Variants in CCAR1 observed in about 807,000 individuals in gnomAD.
The protein encoded by CCAR1 is cell division cycle and apoptosis regulator protein 1.
A neutral mutation model predicts 163.8 loss-of-function variants in CCAR1; 78 were observed. That is an observed-to-expected ratio of 0.48 (90% CI 0.40 to 0.57). The LOEUF is 0.57. Among genes scored for constraint, CCAR1 ranks in the 20% least tolerant of loss-of-function variants. The probability of loss-of-function intolerance (pLI) is 0.00; values close to 1 mark genes in which losing one functional copy is unlikely to be tolerated. For synonymous variants in CCAR1, 443 were observed against 460.7 expected, an observed-to-expected ratio of 0.96 and a Z score of 0.49; for missense variants, 1,019 against 1,365.2, an observed-to-expected ratio of 0.75 and a Z score of 4.00.
intron 2 of CCAR1, among the ~76,000 whole-genome samples, chr10:68,728,449 GA>G (rs1394739000): frequency 6.6e-6 from 1 of 151,846 alleles, no homozygotes; most frequent in East Asian, 1.9e-4. Context: ...GCCTTCAAGG[GA>G]TCACTCAGCC....
intron 2 of CCAR1, 147 bp downstream of exon 2, chr10:68,722,724 C>T (rs780376191): frequency 2.2e-5 from 13 of 602,072 alleles, no homozygotes; most frequent in African/African-American, 9.3e-5. Flanking sequence ...GAGTTCGTAA[C>T]CAGCCTGGCC....
chr10:68,772,165 C>T (rs2056611860), intron 18 of CCAR1, among the ~76,000 whole-genome samples: 1 of 152,120 alleles, frequency 6.6e-6, no homozygotes, highest in African/African-American at 2.4e-5. Context: ...AGATGTGAGC[C>T]ACCGCACCCA....
At chr10:68,744,244 G>A (rs938868985) in intron 6 of CCAR1, among the ~76,000 whole-genome samples, 1 of 152,192 alleles carries the variant, frequency 6.6e-6, no homozygotes, top group Non-Finnish European at 1.5e-5. Context: ...ATATTTCTGG[G>A]TAAACATAAC....
chr10:68,749,437 G>C, intron 9 of CCAR1, 87 bp from the exon 10 acceptor site: 2 of 1,267,114 alleles, frequency 1.6e-6, no homozygotes, highest in Non-Finnish European at 1.1e-6. Flanking sequence ...GTGGATTCTT[G>C]CTTATATTAC....
At chr10:68,769,867 C>T (rs1054851091) in intron 17 of CCAR1, among the ~76,000 whole-genome samples, 63 of 142,728 alleles carry the variant, frequency 4.4e-4, no homozygotes, top group African/African-American at 1.4e-3. Flanking sequence ...TGTGAATTGG[C>T]GAGGCGGAGC....
chr10:68,769,829 T>C (rs770016079), intron 17 of CCAR1, among the ~76,000 whole-genome samples: 7 of 149,796 alleles, frequency 4.7e-5, no homozygotes, highest in Non-Finnish European at 8.8e-5. Flanking sequence ...TAGGCCCAGC[T>C]ACTGGGGAGG....
chr10:68,740,696 T>G, intron 5 of CCAR1, 35 bp downstream of exon 5: 2 of 1,545,242 alleles, frequency 1.3e-6, no homozygotes, highest in South Asian at 2.3e-5. Context: ...TTTGGATGTC[T>G]GAATGAACAG....
chr10:68,761,217 C>G, intron 16 of CCAR1, 25 bp downstream of exon 16: 1 of 1,410,288 alleles, frequency 7.1e-7, no homozygotes, highest in Non-Finnish European at 9.6e-7. Flanking sequence ...TATTATTATA[C>G]TCTATGGTAT....
At chr10:68,742,592 A>G (rs1226966999) in intron 6 of CCAR1, 23 bp downstream of exon 6, 2 of 1,568,244 alleles carry the variant, frequency 1.3e-6, no homozygotes, top group Admixed American at 1.7e-5. Flanking sequence ...AGGTCTTGTC[A>G]CATGGCTTCT....
At chr10:68,753,722 C>T (rs948323368) in intron 10 of CCAR1, 130 bp from the exon 11 acceptor site, 9 of 661,554 alleles carry the variant, frequency 1.4e-5, no homozygotes, top group African/African-American at 1.3e-4. Context: ...ATCTATAGCT[C>T]ATTAGTAACT....
intron 19 of CCAR1, among the ~76,000 whole-genome samples, chr10:68,776,027 C>T (rs1397124816): frequency 1.3e-5 from 2 of 151,052 alleles, no homozygotes; most frequent in Non-Finnish European, 3.0e-5. Context: ...GATGGGGTTT[C>T]ACCATGTTGG....
chr10:68,775,615 T>G (rs2056655565), intron 19 of CCAR1, among the ~76,000 whole-genome samples: 1 of 150,884 alleles, frequency 6.6e-6, no homozygotes, highest in South Asian at 2.1e-4. Flanking sequence ...GTTCAAGCGA[T>G]TTTCCTGCCT....
chr10:68,749,701 C>G lies in CCAR1; in HGVS notation c.1118+16C>G. ...CTTTAGATTGGTAGGTTATTCCCCA[C>G]CCATTGTTTTCTTGAGTTACTAATT... On this transcript the variant is annotated intron_variant, in intron 10 of 24. Transcript: ENST00000265872. 6.3e-7 allele frequency: 1 copy of G among 1,582,018 alleles called. No individual in the cohort carries two copies. The highest frequency in any genetic ancestry group is 8.6e-7 in the Non-Finnish European group (1 of 1,157,274).
At chr10:68,749,335 C>T (rs1378823536) in intron 9 of CCAR1, 70 bp downstream of exon 9, 8 of 1,393,260 alleles carry the variant, frequency 5.7e-6, no homozygotes, top group Admixed American at 5.2e-5. Flanking sequence ...GTTAATGCCA[C>T]TGAACTATGC....
intron 5 of CCAR1, among the ~76,000 whole-genome samples, chr10:68,741,612 T>C (rs929978400): frequency 1.3e-5 from 2 of 152,222 alleles, no homozygotes; most frequent in Non-Finnish European, 2.9e-5. Context: ...TATACTGATA[T>C]GGAATGATAT....
chr10:68,725,123 C>T (rs916680206), intron 2 of CCAR1, among the ~76,000 whole-genome samples: 22 of 150,174 alleles, frequency 1.5e-4, no homozygotes, highest in African/African-American at 3.7e-4. Flanking sequence ...GCCTGGGCAA[C>T]GAGAGAAACT....
intron 2 of CCAR1, chr10:68,735,858 CT>C (rs745518210): frequency 6.6e-6 from 1 of 152,208 alleles, no homozygotes; most frequent in Non-Finnish European, 1.5e-5. Context: ...GTCCATTTTC[CT>C]TTTTTTATTT....
intron 1 of CCAR1, among the ~76,000 whole-genome samples, chr10:68,722,174 G>C (rs2055869033): frequency 6.6e-6 from 1 of 152,132 alleles, no homozygotes. Context: ...GATGGTCTTC[G>C]TTTAAATGTG....
chr10:68,791,233 T>G lies in CCAR1; in HGVS notation c.3420T>G (p.Asp1140Glu). The G allele has an allele frequency of 6.3e-7, 1 of 1,599,160 alleles. No homozygotes were observed. The highest frequency in any genetic ancestry group is 8.6e-7 in the Non-Finnish European group (1 of 1,168,600). Reference sequence around the variant, plus strand: ...ATAATGTAAAGAATGAAGACAAAGATCAAAAATCCAAGGAGAATGGTGCCA... The same window carrying G: ...ATAATGTAAAGAATGAAGACAAAGAGCAAAAATCCAAGGAGAATGGTGCCA... ...KKDNVKNEDKDQKSKENGASV is the reference protein window; with the variant it reads ...KKDNVKNEDKEQKSKENGASV Residue 1140 changes from aspartate to glutamate, a missense_variant, in exon 25 of 25, where the codon GAT becomes GAG. Physicochemically the swap from Asp to Glu is conservative, Grantham distance 45. This residue lies in a region of CCAR1 where 358 missense variants were observed against 406.4 expected (regional missense o/e 0.88). Coordinates refer to ENST00000265872, the MANE Select transcript of CCAR1 (RefSeq NM_018237.4).
Sources: gnomAD v4.1 joint callset for allele counts (sites outside exome capture counted in the v4.1 genomes callset) on GRCh38, gnomAD v4.1.1 for gene constraint, gnomAD v4.1.1 regional missense constraint, MANE v1.5 for transcripts, NCBI Gene and HGNC (gene_info 2026-07-23, HGNC 2026-07-21) for gene names.